IFT56: variants seen among roughly 807,000 people sequenced by gnomAD.
The protein encoded by IFT56 is intraflagellar transport 56.
At chr7:139,175,044 A>G in the IFT56 span, among the ~76,000 whole-genome samples, 12 of 151,992 alleles carry the variant, frequency 7.9e-5, no homozygotes, top group East Asian at 1.9e-4. Flanking sequence ...AAGAAAGAAA[A>G]AAAAAGACAT....
chr7:139,159,416 T>TA, the IFT56 span, among the ~76,000 whole-genome samples: 1 of 152,294 alleles, frequency 6.6e-6, no homozygotes, highest in South Asian at 2.1e-4. Flanking sequence ...ATTATATAAC[T>TA]GTTTTTTTAT....
At chr7:139,180,250 T>C in the IFT56 span, among the ~76,000 whole-genome samples, 1 of 151,708 alleles carries the variant, frequency 6.6e-6, no homozygotes, top group Non-Finnish European at 1.5e-5. Context: ...GATAGGAAAA[T>C]GGCGTGAACC....
chr7:139,170,007 G>A, the IFT56 span, among the ~76,000 whole-genome samples: 15 of 152,110 alleles, frequency 9.9e-5, no homozygotes, highest in African/African-American at 2.9e-4. Context: ...GAGTGAGACC[G>A]TCATCTCAAA....
the IFT56 span, among the ~76,000 whole-genome samples, chr7:139,175,773 A>T: frequency 1.3e-5 from 2 of 151,742 alleles, no homozygotes; most frequent in East Asian, 3.9e-4. Flanking sequence ...GGCAGTGAGG[A>T]TGGCTCCAAA....
the IFT56 span, chr7:139,181,203 G>C: frequency 6.3e-7 from 1 of 1,592,996 alleles, no homozygotes; most frequent in Non-Finnish European, 8.6e-7. Context: ...TACAAGGTGA[G>C]TCTGACTGAG....
the IFT56 span, chr7:139,148,414 C>A: frequency 1.9e-6 from 3 of 1,565,852 alleles, no homozygotes; most frequent in Non-Finnish European, 2.6e-6. Context: ...TACTTCATTC[C>A]AATTTGAATT....
chr7:139,170,662 T>C, the IFT56 span, among the ~76,000 whole-genome samples: 1 of 152,146 alleles, frequency 6.6e-6, no homozygotes, highest in African/African-American at 2.4e-5. Flanking sequence ...CCCTTTATGA[T>C]AAAAATCCCC....
At chr7:139,135,660 T>TA in the IFT56 span, among the ~76,000 whole-genome samples, 1 of 152,100 alleles carries the variant, frequency 6.6e-6, no homozygotes. Flanking sequence ...TTAAGGTGAG[T>TA]AGTCTAAGTG....
At chr7:139,161,172 A>C in the IFT56 span, 1 of 608,458 alleles carries the variant, frequency 1.6e-6, no homozygotes, top group Non-Finnish European at 2.8e-6. Context: ...GATAAGTTTT[A>C]AAGTACTAAT....
At chr7:139,179,720 A>T in the IFT56 span, 1 of 1,215,300 alleles carries the variant, frequency 8.2e-7, no homozygotes, top group Non-Finnish European at 1.2e-6. Context: ...CGGAAATGAC[A>T]TTGAAAGTTT....
At chr7:139,182,635 T>A in the IFT56 span, among the ~76,000 whole-genome samples, 1 of 152,078 alleles carries the variant, frequency 6.6e-6, no homozygotes, top group African/African-American at 2.4e-5. Flanking sequence ...TTAGTGGTGG[T>A]AGTAGCAGCA....
the IFT56 span, chr7:139,146,898 C>A: frequency 1.0e-6 from 1 of 1,001,306 alleles, no homozygotes; most frequent in Non-Finnish European, 1.4e-6. Context: ...GGGGAAGGGT[C>A]AAATAGTATT....
At chr7:139,171,981 A>G in the IFT56 span, among the ~76,000 whole-genome samples, 1 of 152,222 alleles carries the variant, frequency 6.6e-6, no homozygotes, top group Non-Finnish European at 1.5e-5. Flanking sequence ...GGGAACTGTT[A>G]GAAGCAAACG....
At chr7:139,150,965 A>G in the IFT56 span, among the ~76,000 whole-genome samples, 2 of 152,220 alleles carry the variant, frequency 1.3e-5, no homozygotes, top group Non-Finnish European at 2.9e-5. Context: ...CAGTTGCCTA[A>G]TTATCTTCAA....
At chr7:139,138,977 A>T in the IFT56 span, among the ~76,000 whole-genome samples, 1 of 151,776 alleles carries the variant, frequency 6.6e-6, no homozygotes, top group Non-Finnish European at 1.5e-5. Context: ...TGCCCGGCTA[A>T]TTTTTTTGTG....
the IFT56 span, among the ~76,000 whole-genome samples, chr7:139,160,307 A>G: frequency 6.6e-6 from 1 of 152,238 alleles, no homozygotes; most frequent in Non-Finnish European, 1.5e-5. Context: ...AATCAACCTT[A>G]GTTGTTTAAG....
At chr7:139,186,466 A>G in the IFT56 span, among the ~76,000 whole-genome samples, 20 of 152,040 alleles carry the variant, frequency 1.3e-4, no homozygotes, top group Non-Finnish European at 2.4e-4. Flanking sequence ...TAAATAAAAG[A>G]AAACTAATCT....
the IFT56 span, chr7:139,178,291 A>C: frequency 9.2e-5 from 148 of 1,613,040 alleles, no homozygotes; most frequent in Non-Finnish European, 1.2e-4. Context: ...GATTTACCTC[A>C]ACTCATTTAA....
chr7:139,160,979 C>T, the IFT56 span: 2 of 1,613,536 alleles, frequency 1.2e-6, no homozygotes, highest in African/African-American at 1.3e-5. Context: ...GACAATGCTT[C>T]TTCATCCTTT....
Sources: gnomAD v4.1 joint callset for allele counts (sites outside exome capture counted in the v4.1 genomes callset) on GRCh38, gnomAD v4.1.1 for gene constraint, MANE v1.5 for transcripts, NCBI Gene and HGNC (gene_info 2026-07-23, HGNC 2026-07-21) for gene names.